Variants in NRG1 observed in about 807,000 individuals in gnomAD.
NRG1 encodes the protein neuregulin 1.
Under a neutral mutation model 63.8 loss-of-function variants are expected in NRG1, and 18 were observed. The ratio of observed to expected loss-of-function variants is 0.28; its 90% CI spans 0.19 to 0.42. The LOEUF (loss-of-function observed/expected upper bound fraction) is 0.42. Ranked by LOEUF, NRG1 falls within the 10% of genes least tolerant of loss-of-function variation. The probability of loss-of-function intolerance (pLI) is 1.00; values close to 1 mark genes in which losing one functional copy is unlikely to be tolerated. For synonymous variants in NRG1, 302 were observed against 301.3 expected, an observed-to-expected ratio of 1.00 and a Z score of -0.02; for missense variants, 762 against 814.7, an observed-to-expected ratio of 0.94 and a Z score of 0.79.
chr8:32,043,971 T>TA (rs1257744565), intron 1 of NRG1, among the ~76,000 whole-genome samples: 2 of 151,940 alleles, frequency 1.3e-5, no homozygotes, highest in Non-Finnish European at 2.9e-5. Context: ...GCATTAAATG[T>TA]AAATGGTCTA....
In NRG1 at chr8:31,871,929, AT is replaced by A. The variant is rs549849980; in HGVS notation, c.37+232506del. On this transcript the variant is annotated intron_variant, in intron 1 of 10. Transcript: ENST00000519301. ...AATTCAAAAGGATAATGTGGCTTTT[AT>A]TTTTTTTACTTTGATCCTGTTTTGT... Among the ~76,000 whole-genome samples, 883 of 151,822 alleles carry A rather than the reference AT, an allele frequency of 5.8e-3. 3 individuals are homozygous for A. The highest frequency in any genetic ancestry group is 9.3e-3 in the Non-Finnish European group (629 of 67,892).
At chr8:32,303,933 A>C (rs1376489738) in intron 1 of NRG1, among the ~76,000 whole-genome samples, 2 of 152,232 alleles carry the variant, frequency 1.3e-5, no homozygotes, top group East Asian at 3.8e-4. Flanking sequence ...CAATTAAAAT[A>C]AAAGCTGTAA....
At chr8:32,549,382 C>G (rs1346613492) in intron 1 of NRG1, among the ~76,000 whole-genome samples, 1 of 152,176 alleles carries the variant, frequency 6.6e-6, no homozygotes, top group Non-Finnish European at 1.5e-5. Context: ...GAGTGCGCGC[C>G]GGTTCATCTT....
chr8:32,728,633 G>T (rs1365575734), intron 6 of NRG1: 5 of 984,950 alleles, frequency 5.1e-6, no homozygotes, highest in Non-Finnish European at 6.0e-6. Context: ...AGAGAAAAAA[G>T]TAAATTGCAT....
chr8:32,058,422 C>T (rs1251961969), intron 1 of NRG1, among the ~76,000 whole-genome samples: 1 of 152,018 alleles, frequency 6.6e-6, no homozygotes, highest in African/African-American at 2.4e-5. Context: ...TTATTATACA[C>T]ACAAATACAT....
In NRG1 at chr8:31,640,034, C is replaced by A; in HGVS notation, c.37+603C>A. The A allele has an allele frequency of 8.8e-7, 1 of 1,142,578 alleles. No homozygotes were observed. The allele number at this position is 1,142,578 out of a possible 1,614,324, so 70.8% of individuals were successfully genotyped here. A position where few individuals can be genotyped will look rare whatever the true frequency, so the allele number is the denominator to read the frequency against. On this transcript the variant is annotated intron_variant, in intron 1 of 10. Transcript: ENST00000519301. This position sits in a 1 kb window ranked among gnomAD's most constrained non-coding sequence, Gnocchi z 6.3. ...CGCTCCGGGCGTCCCGGCCCCCGGG[C>A]CCAGCGCCCCGGCTCCGCCGCCCGC...
intron 1 of NRG1, among the ~76,000 whole-genome samples, chr8:32,171,188 T>C (rs1839990556): frequency 6.6e-6 from 1 of 152,230 alleles, no homozygotes; most frequent in Admixed American, 6.5e-5. Context: ...ATGAATATCT[T>C]ATAACACTAT....
At chr8:31,761,066 T>C (rs1249513669) in intron 1 of NRG1, among the ~76,000 whole-genome samples, 1 of 152,128 alleles carries the variant, frequency 6.6e-6, no homozygotes, top group Non-Finnish European at 1.5e-5. Flanking sequence ...TGTCCAACAG[T>C]GATAGACCGG....
intron 1 of NRG1, among the ~76,000 whole-genome samples, chr8:32,184,097 TG>T: frequency 6.6e-6 from 1 of 151,992 alleles, no homozygotes; most frequent in Admixed American, 6.6e-5. Context: ...TGTATGTGTG[TG>T]TGTGTGTATA....
At chr8:32,643,781 C>T (rs1487513383) in intron 5 of NRG1, among the ~76,000 whole-genome samples, 1 of 152,058 alleles carries the variant, frequency 6.6e-6, no homozygotes, top group Non-Finnish European at 1.5e-5. Flanking sequence ...CTTATAATTT[C>T]TAAAAATTAT....
At chr8:32,000,260 T>G (rs1240015240) in intron 1 of NRG1, among the ~76,000 whole-genome samples, 2 of 151,874 alleles carry the variant, frequency 1.3e-5, no homozygotes, top group East Asian at 1.9e-4. Flanking sequence ...GAACTGTGGG[T>G]TTTTGTTTAC....
chr8:32,039,471 AAC>A (rs927033476), intron 1 of NRG1, among the ~76,000 whole-genome samples: 5 of 152,170 alleles, frequency 3.3e-5, no homozygotes, highest in African/African-American at 9.7e-5. Context: ...GAAAAATGGA[AAC>A]ACAGAGATGT....
At chr8:32,023,970 C>T (rs1388609661) in intron 1 of NRG1, among the ~76,000 whole-genome samples, 1 of 152,150 alleles carries the variant, frequency 6.6e-6, no homozygotes, top group East Asian at 1.9e-4. Flanking sequence ...AGAAAAGTAA[C>T]TCCTAGCAGG....
intron 1 of NRG1, among the ~76,000 whole-genome samples, chr8:31,794,941 T>G (rs1389584636): frequency 3.3e-5 from 5 of 152,098 alleles, no homozygotes; most frequent in African/African-American, 1.2e-4. Context: ...TAGCTGAGAT[T>G]ACAGTCATGC....
At chr8:32,400,769 C>T (rs1813076609) in intron 1 of NRG1, among the ~76,000 whole-genome samples, 1 of 152,184 alleles carries the variant, frequency 6.6e-6, no homozygotes, top group African/African-American at 2.4e-5. Flanking sequence ...TCATCCAATC[C>T]AGCAATCCCA....
chr8:32,058,379 C>A (rs71512608), intron 1 of NRG1, among the ~76,000 whole-genome samples: 6,578 of 151,990 alleles, frequency 0.043, 228 homozygotes, highest in Non-Finnish European at 0.068. Flanking sequence ...ACATGCATTG[C>A]ACACAGGAAC....
chr8:31,880,688 T>C (rs1454137408), intron 1 of NRG1, among the ~76,000 whole-genome samples: 1 of 152,196 alleles, frequency 6.6e-6, no homozygotes, highest in South Asian at 2.1e-4. Context: ...ATATAACAAA[T>C]ATTTAAGTAA....
At chr8:32,488,378 TG>T (rs1471181947) in intron 1 of NRG1, among the ~76,000 whole-genome samples, 1 of 152,108 alleles carries the variant, frequency 6.6e-6, no homozygotes, top group Non-Finnish European at 1.5e-5. Context: ...CTCTTAGAAT[TG>T]TGATGGTAAC....
chr8:32,580,476 G>A (rs2466067), intron 1 of NRG1, among the ~76,000 whole-genome samples: 85,002 of 152,152 alleles, frequency 0.56, 26,084 homozygotes, highest in Non-Finnish European at 0.69. Flanking sequence ...TTTGTTGAGT[G>A]CTTGCAATGT....
Sources: gnomAD v4.1 joint callset for allele counts (sites outside exome capture counted in the v4.1 genomes callset) on GRCh38, gnomAD v4.1.1 for gene constraint, Gnocchi (gnomAD v3.1) non-coding constraint, MANE v1.5 for transcripts, NCBI Gene and HGNC (gene_info 2026-07-23, HGNC 2026-07-21) for gene names.